Variants in IFT43 observed in about 807,000 individuals in gnomAD.
IFT43 encodes the protein intraflagellar transport protein 43 homolog.
Under a neutral mutation model 32.3 loss-of-function variants are expected in IFT43, and 33 were observed. That is an observed-to-expected ratio of 1.02 (90% CI 0.77 to 1.37). The LOEUF (loss-of-function observed/expected upper bound fraction) is 1.37, where lower values mean the gene tolerates loss of function less well. Ranked by LOEUF, IFT43 falls within the 40% of genes most tolerant of loss-of-function variation. The pLI is 0.00. For missense variants in IFT43, 274 were observed against 265.9 expected (o/e 1.03, Z -0.21); for synonymous variants, 93 against 98.2 (o/e 0.95, Z 0.31).
chr14:76,082,571 C>G, intron 6 of IFT43, 46 bp from the exon 7 acceptor site: 1 of 1,611,838 alleles, frequency 6.2e-7, no homozygotes, highest in East Asian at 2.2e-5. Context: ...ACTCCTGGAA[C>G]AGGTCCTGCC....
At chr14:76,062,938 A>AAAAAAAAAAAAAAAAAAAAAAAAAG (rs1485146040) in intron 5 of IFT43, among the ~76,000 whole-genome samples, 10 of 120,886 alleles carry the variant, frequency 8.3e-5, no homozygotes, top group African/African-American at 2.3e-4. Flanking sequence ...AAAAAAAAAA[A>AAAAAAAAAAAAAAAAAAAAAAAAAG]AAAGAAAATA....
intron 3 of IFT43, among the ~76,000 whole-genome samples, chr14:76,054,593 G>A (rs1342544161): frequency 4.6e-5 from 7 of 152,240 alleles, no homozygotes; most frequent in African/African-American, 1.7e-4. Context: ...CTCAGCCGAG[G>A]TAGTGTTTGT....
At chr14:76,035,168 A>G (rs1251427889) in intron 3 of IFT43, among the ~76,000 whole-genome samples, 3 of 152,142 alleles carry the variant, frequency 2.0e-5, no homozygotes. Context: ...GGACTTGTCC[A>G]TCTATCACTC....
chr14:76,024,430 A>G (rs1314844648), intron 3 of IFT43, among the ~76,000 whole-genome samples: 1 of 152,234 alleles, frequency 6.6e-6, no homozygotes, highest in Non-Finnish European at 1.5e-5. Flanking sequence ...TCTGATTCAG[A>G]CATACCAGGG....
intron 2 of IFT43, among the ~76,000 whole-genome samples, chr14:75,996,427 A>G (rs1425927177): frequency 6.6e-6 from 1 of 152,238 alleles, no homozygotes; most frequent in East Asian, 1.9e-4. Flanking sequence ...AGTGCCCAAC[A>G]CCTGCTAACT....
At chr14:75,990,239 T>C (rs961724534) in intron 2 of IFT43, among the ~76,000 whole-genome samples, 2 of 152,242 alleles carry the variant, frequency 1.3e-5, no homozygotes, top group Non-Finnish European at 2.9e-5. Context: ...CAAGAGATGC[T>C]GGCAGTCTAA....
At position 75,987,252 on chromosome 14, in the gene IFT43, A is replaced by G. The variant is rs28669805; in HGVS notation, c.54+1412A>G. ...GTGCTGTGACAAATGGAAAAGGGCA[A>G]CCATGGTGAAGGGATGGAATTGTCT... On this transcript the variant is annotated intron_variant, in intron 1 of 8. Coordinates refer to ENST00000314067, the MANE Select transcript of IFT43 (RefSeq NM_001102564.3). Among the ~76,000 whole-genome samples the G allele has an allele frequency of 4.0e-3, 614 of 152,354 alleles. 2 individuals carry two copies. Among genetic ancestry groups the G allele is most frequent in the African/African-American group, 0.014 (579 of 41,578 alleles).
intron 3 of IFT43, among the ~76,000 whole-genome samples, chr14:76,023,603 A>G (rs1314627239): frequency 6.6e-6 from 1 of 152,216 alleles, no homozygotes; most frequent in African/African-American, 2.4e-5. Flanking sequence ...CATGATGATG[A>G]TGACTGTTTC....
intron 2 of IFT43, chr14:76,013,706 G>T: frequency 2.9e-6 from 1 of 347,744 alleles, no homozygotes; most frequent in Admixed American, 3.7e-5. Context: ...TGATGAAGGA[G>T]CTTGAAGAAA....
At chr14:76,080,666 C>T (rs911413299) in intron 5 of IFT43, among the ~76,000 whole-genome samples, 7 of 152,220 alleles carry the variant, frequency 4.6e-5, no homozygotes, top group Non-Finnish European at 7.3e-5. Flanking sequence ...CCAGCTTCCT[C>T]TCTGTCCCTC....
At chr14:76,075,610 G>T (rs926607625) in intron 5 of IFT43, among the ~76,000 whole-genome samples, 1 of 152,236 alleles carries the variant, frequency 6.6e-6, no homozygotes, top group African/African-American at 2.4e-5. Flanking sequence ...AATGCATGGA[G>T]TGTCCACAGG....
intron 5 of IFT43, among the ~76,000 whole-genome samples, chr14:76,062,917 C>CAAAAAAAAAAAAA (rs746158153): frequency 3.2e-4 from 23 of 72,464 alleles, no homozygotes; most frequent in African/African-American, 1.2e-3. Flanking sequence ...GATCCCATCT[C>CAAAAAAAAAAAAA]AAAAAAAAAA....
In IFT43 at chr14:76,082,699, G is replaced by A; in HGVS notation, c.444+7G>A. ...CTCAGCCATTCAGACACTGGTGAGT[G>A]GAACAGCTTCTGCATAGAGAGGCGG... is the stretch of plus-strand genomic sequence containing the variant. On this transcript the variant is annotated splice_region_variant and intron_variant, in intron 7 of 8. Transcript: ENST00000314067. The A allele has an allele frequency of 1.3e-6, 2 of 1,574,992 alleles. No individual in the cohort carries two copies. Among genetic ancestry groups the A allele is most frequent in the Non-Finnish European group, 1.7e-6 (2 of 1,144,294 alleles).
chr14:76,026,662 G>A (rs1314846813), intron 3 of IFT43, among the ~76,000 whole-genome samples: 1 of 152,132 alleles, frequency 6.6e-6, no homozygotes, highest in Admixed American at 6.5e-5. Context: ...AGTCATTGTG[G>A]AAGACAGTGT....
chr14:76,037,092 A>T (rs1566719012), intron 3 of IFT43, among the ~76,000 whole-genome samples: 1 of 152,174 alleles, frequency 6.6e-6, no homozygotes. Flanking sequence ...AATTTCCCAC[A>T]TTCTGGATGT....
intron 3 of IFT43, among the ~76,000 whole-genome samples, chr14:76,028,106 TAGG>T (rs1291838511): frequency 2.0e-5 from 3 of 152,146 alleles, no homozygotes; most frequent in African/African-American, 7.2e-5. Context: ...CTTATCAAAT[TAGG>T]AGGCATGTGA....
chr14:76,082,804 G>A (rs1477198834), intron 7 of IFT43, 112 bp downstream of exon 7: 4 of 838,746 alleles, frequency 4.8e-6, no homozygotes, highest in Non-Finnish European at 8.3e-6. Context: ...GTCCCCTGAG[G>A]CTGCCTGCCT....
intron 2 of IFT43, among the ~76,000 whole-genome samples, chr14:76,019,723 G>T (rs1342940889): frequency 6.6e-6 from 1 of 151,894 alleles, no homozygotes; most frequent in African/African-American, 2.4e-5. Context: ...TTTCTTTATG[G>T]TGTTGCATAT....
chr14:76,076,500 T>C (rs545935324), intron 5 of IFT43: 1 of 1,558,346 alleles, frequency 6.4e-7, no homozygotes, highest in Non-Finnish European at 8.7e-7. Context: ...CTCTCCCTGC[T>C]GGAGTTAGAT....
Sources: gnomAD v4.1 joint callset for allele counts (sites outside exome capture counted in the v4.1 genomes callset) on GRCh38, gnomAD v4.1.1 for gene constraint, MANE v1.5 for transcripts, NCBI Gene and HGNC (gene_info 2026-07-23, HGNC 2026-07-21) for gene names.